The following NCOR2 variants were observed in gnomAD, a reference collection of about 807,000 sequenced individuals.
The protein encoded by NCOR2 is nuclear receptor corepressor 2, also known as CTG repeat protein 26.
NCOR2 carries 81 observed loss-of-function variants against 262.9 expected under a neutral mutation model. The observed-to-expected ratio is 0.31, with a 90% CI of 0.26 to 0.37. The LOEUF is 0.37. Among genes scored for constraint, NCOR2 ranks in the 10% least tolerant of loss-of-function variants. The pLI is 1.00. For synonymous variants in NCOR2, 1,659 were observed against 1,559.3 expected (o/e 1.06, Z -1.51); for missense variants, 3,385 against 3,621.4 (o/e 0.93, Z 1.68).
At chr12:124,335,596 T>A in exon 39 of NCOR2, 1 of 1,607,324 alleles carries the variant, frequency 6.2e-7, no homozygotes, top group Non-Finnish European at 8.5e-7. Context: ...GCTGACGGGC[T>A]CCACCCCTTC....
intron 13 of NCOR2, among the ~76,000 whole-genome samples, chr12:124,414,953 C>G (rs1457962020): frequency 6.6e-6 from 1 of 152,156 alleles, no homozygotes; most frequent in African/African-American, 2.4e-5. Context: ...CATCTGATCA[C>G]AAGGCCTGAG....
chr12:124,550,949 C>T (rs562247671), intron 1 of NCOR2, among the ~76,000 whole-genome samples: 25 of 152,370 alleles, frequency 1.6e-4, no homozygotes, highest in Admixed American at 1.0e-3. Context: ...AGGAAACACA[C>T]CAAGCTCACG....
rs58102783 is a variant in NCOR2, at chr12:124,346,984, C to A, written c.4073-134G>T. 186 of 1,096,418 alleles carry A rather than the reference C, an allele frequency of 1.7e-4. No homozygotes were observed. In the African/African-American group the frequency reaches 2.7e-3, roughly 16 times the overall value. The allele number at this position is 1,096,418 out of a possible 1,614,324, so 67.9% of individuals were successfully genotyped here. A position where few individuals can be genotyped will look rare whatever the true frequency, so the allele number is the denominator to read the frequency against. On this transcript the variant is annotated intron_variant, in intron 30 of 46. Transcript: ENST00000405201. Reference sequence around the variant, plus strand: ...TGCTGTGTGACCTTGACCAGGAAATCTGACCTCTCTGGGCCTCAGCTTCTT... The same window carrying A: ...TGCTGTGTGACCTTGACCAGGAAATATGACCTCTCTGGGCCTCAGCTTCTT...
In NCOR2 at chr12:124,440,276, T is replaced by C. The variant is rs185016460; in HGVS notation, c.816-2280A>G. Among the ~76,000 whole-genome samples the C allele has an allele frequency of 9.1e-4, 139 of 152,170 alleles. No individual in the cohort carries two copies. The highest frequency in any genetic ancestry group is 3.1e-3 in the African/African-American group (128 of 41,514). On this transcript the variant is annotated intron_variant, in intron 7 of 46. Coordinates refer to ENST00000405201, the Ensembl canonical transcript of NCOR2. The surrounding 1 kb of genome is among the most constrained non-coding windows in gnomAD (Gnocchi z 5.7). ...TCCAGCCCCCGGGACCCCAGCCCCA[T>C]TGGAAACAGGAAAAGGAGGGAACCC...
At chr12:124,327,444 G>A (rs2034779381) in exon 45 of NCOR2, 4 of 1,612,390 alleles carry the variant, frequency 2.5e-6, no homozygotes, top group African/African-American at 2.7e-5. Context: ...CCGTCCGTCA[G>A]CAGCGGTTAT....
chr12:124,473,498 T>A (rs965253491), intron 3 of NCOR2, among the ~76,000 whole-genome samples: 7 of 152,232 alleles, frequency 4.6e-5, no homozygotes, highest in Middle Eastern at 3.2e-3. Flanking sequence ...CAGACTGGCT[T>A]CCTTGCTTCT....
intron 33 of NCOR2, among the ~76,000 whole-genome samples, chr12:124,342,666 C>G (rs1383260198): frequency 6.6e-6 from 1 of 152,198 alleles, no homozygotes; most frequent in Non-Finnish European, 1.5e-5. Flanking sequence ...CCGTGCCCGG[C>G]AACTTTTAAA....
At chr12:124,414,981 AAAG>A (rs1189472930) in intron 13 of NCOR2, among the ~76,000 whole-genome samples, 1 of 152,142 alleles carries the variant, frequency 6.6e-6, no homozygotes, top group Non-Finnish European at 1.5e-5. Context: ...GATAGGTCAG[AAAG>A]AAGAACCGGC....
At chr12:124,372,191 C>A in exon 20 of NCOR2, 2 of 1,601,570 alleles carry the variant, frequency 1.2e-6, no homozygotes, top group Non-Finnish European at 1.7e-6. Flanking sequence ...GCGGCCTCCG[C>A]GTCCTTGCCC....
intron 3 of NCOR2, among the ~76,000 whole-genome samples, chr12:124,478,743 A>G (rs555565843): frequency 6.6e-6 from 1 of 152,244 alleles, no homozygotes; most frequent in African/African-American, 2.4e-5. Flanking sequence ...ACAGACAGAC[A>G]GATCGAGAAA....
intron 1 of NCOR2, among the ~76,000 whole-genome samples, chr12:124,506,529 A>G (rs1292895652): frequency 2.0e-5 from 3 of 150,776 alleles, no homozygotes; most frequent in Admixed American, 1.3e-4. Flanking sequence ...AGGGAGATAA[A>G]CCACAGCAGG....
chr12:124,356,371 C>T (rs745841117), intron 23 of NCOR2, among the ~76,000 whole-genome samples: 3 of 152,322 alleles, frequency 2.0e-5, no homozygotes, highest in Non-Finnish European at 2.9e-5. Context: ...AGCTCTAAGC[C>T]GTCAACGGAA....
chr12:124,431,805 G>GCAGA (rs138619039), intron 8 of NCOR2, among the ~76,000 whole-genome samples: 10 of 149,640 alleles, frequency 6.7e-5, no homozygotes, highest in East Asian at 2.0e-4. Flanking sequence ...AGATACACAG[G>GCAGA]CAGACAGACA....
intron 13 of NCOR2, among the ~76,000 whole-genome samples, chr12:124,411,809 A>G (rs1199977848): frequency 1.3e-5 from 2 of 152,074 alleles, no homozygotes; most frequent in Non-Finnish European, 2.9e-5. Flanking sequence ...TCGGGCCTCA[A>G]CCCAGCCTCC....
upstream of NCOR2, chr12:124,538,805 C>G (rs769207278): frequency 6.6e-6 from 1 of 152,428 alleles, no homozygotes; most frequent in Non-Finnish European, 1.5e-5. Flanking sequence ...AGGCCCGCTC[C>G]TCCTCTCTGA....
At chr12:124,494,157 G>A (rs191773253) in intron 1 of NCOR2, among the ~76,000 whole-genome samples, 40 of 152,244 alleles carry the variant, frequency 2.6e-4, no homozygotes, top group South Asian at 1.7e-3. Flanking sequence ...TGATGGAAAC[G>A]TCCTCCCACA....
At chr12:124,387,028 C>G (rs2040855328) in intron 16 of NCOR2, among the ~76,000 whole-genome samples, 2 of 152,260 alleles carry the variant, frequency 1.3e-5, no homozygotes, top group Non-Finnish European at 2.9e-5. Context: ...TAGCTCGGGA[C>G]ATGGCAGCCT....
intron 13 of NCOR2, among the ~76,000 whole-genome samples, chr12:124,409,354 C>G (rs933732212): frequency 3.3e-5 from 5 of 152,234 alleles, no homozygotes; most frequent in Non-Finnish European, 7.3e-5. Context: ...GGCCTTTGCA[C>G]GTGCTGTGCC....
chr12:124,346,944 G>A, intron 30 of NCOR2, 94 bp from the exon 33 acceptor site: 1 of 1,348,294 alleles, frequency 7.4e-7, no homozygotes, highest in Non-Finnish European at 9.6e-7. Flanking sequence ...GTCTGCCTGA[G>A]TTCAAATCCC....
Sources: gnomAD v4.1 joint callset for allele counts (sites outside exome capture counted in the v4.1 genomes callset) on GRCh38, gnomAD v4.1.1 for gene constraint, Gnocchi (gnomAD v3.1) non-coding constraint, MANE v1.5 for transcripts, NCBI Gene and HGNC (gene_info 2026-07-23, HGNC 2026-07-21) for gene names.